MOB3B: variants seen among roughly 807,000 people sequenced by gnomAD.
The protein encoded by MOB3B is MOB kinase activator 3B.
MOB3B carries 7 observed loss-of-function variants against 18.7 expected under a neutral mutation model. That is an observed-to-expected ratio of 0.37 (90% confidence interval 0.21 to 0.70). MOB3B has a LOEUF of 0.70. Ranked by LOEUF, MOB3B falls within the 30% of genes least tolerant of loss-of-function variation. The pLI is 0.52. For missense variants in MOB3B, 253 were observed against 281.3 expected, an observed-to-expected ratio of 0.90 and a Z score of 0.72; for synonymous variants, 111 against 99.9, an observed-to-expected ratio of 1.11 and a Z score of -0.66.
chr9:27,517,168 A>G (rs1331598985), intron 1 of MOB3B, among the ~76,000 whole-genome samples: 2 of 151,396 alleles, frequency 1.3e-5, no homozygotes, highest in African/African-American at 4.9e-5. Context: ...ACTCTCATCA[A>G]CTCTTGCCTT....
At chr9:27,375,881 C>T (rs536502885) in intron 2 of MOB3B, among the ~76,000 whole-genome samples, 239 of 152,296 alleles carry the variant, frequency 1.6e-3, no homozygotes, top group African/African-American at 5.5e-3. Flanking sequence ...CTTTGTATTT[C>T]AGGCAGACAT....
intron 2 of MOB3B, among the ~76,000 whole-genome samples, chr9:27,367,782 T>A (rs1486754946): frequency 6.6e-6 from 1 of 152,202 alleles, no homozygotes; most frequent in Non-Finnish European, 1.5e-5. Context: ...GGATAAACTC[T>A]TCTTGGAAAG....
At chr9:27,527,647 GTGTAA>G (rs543997640) in intron 1 of MOB3B, among the ~76,000 whole-genome samples, 6 of 152,232 alleles carry the variant, frequency 3.9e-5, no homozygotes, top group Non-Finnish European at 8.8e-5. Context: ...GGAATCAAAA[GTGTAA>G]TTGAGCTTCC....
chr9:27,399,676 G>C (rs975852203), intron 2 of MOB3B, among the ~76,000 whole-genome samples: 1 of 152,146 alleles, frequency 6.6e-6, no homozygotes, highest in African/African-American at 2.4e-5. Flanking sequence ...GAAGGACAGA[G>C]TGATATAAAC....
intron 1 of MOB3B, among the ~76,000 whole-genome samples, chr9:27,506,937 C>T (rs1820070940): frequency 6.6e-6 from 1 of 151,050 alleles, no homozygotes; most frequent in African/African-American, 2.4e-5. Context: ...GCCTTGGCCT[C>T]GCAAAGTGCT....
chr9:27,471,209 A>G (rs1325364412), intron 1 of MOB3B, among the ~76,000 whole-genome samples: 2 of 152,166 alleles, frequency 1.3e-5, no homozygotes, highest in Non-Finnish European at 2.9e-5. Flanking sequence ...GGAGTCTGAC[A>G]TGCCTGGCCT....
intron 1 of MOB3B, among the ~76,000 whole-genome samples, chr9:27,486,313 A>T (rs949687247): frequency 6.6e-6 from 1 of 152,252 alleles, no homozygotes; most frequent in African/African-American, 2.4e-5. Flanking sequence ...CTGTAAGCCA[A>T]TACCTATCTA....
At chr9:27,461,148 T>A (rs1819281217) in intron 1 of MOB3B, among the ~76,000 whole-genome samples, 1 of 152,238 alleles carries the variant, frequency 6.6e-6, no homozygotes, top group Non-Finnish European at 1.5e-5. Context: ...TATATTGTTC[T>A]CTTTATAGCT....
At chr9:27,393,035 C>A (rs1821749030) in intron 2 of MOB3B, among the ~76,000 whole-genome samples, 1 of 152,180 alleles carries the variant, frequency 6.6e-6, no homozygotes, top group Non-Finnish European at 1.5e-5. Flanking sequence ...TTGTCCCTAG[C>A]ATTTTATTTT....
chr9:27,444,238 G>GGGAGGGAAGGAA lies in MOB3B; in HGVS notation c.418+10894_418+10895insTTCCTTCCCTCC, dbSNP rs1269907922. Among the ~76,000 whole-genome samples the GGGAGGGAAGGAA allele has an allele frequency of 1.9e-3, 200 of 107,924 alleles. 5 individuals are homozygous for GGGAGGGAAGGAA. Among genetic ancestry groups the GGGAGGGAAGGAA allele is most frequent in the African/African-American group, 7.2e-3 (189 of 26,108 alleles). The allele number at this position is 107,924 out of a possible 152,430, so 70.8% of individuals were successfully genotyped here. ...GAAAGAAAAAGAAAGGAGGGAGGGA[G>GGGAGGGAAGGAA]GGAAGGAAGGAAGGAAGGAAGGAAG... On this transcript the variant is annotated intron_variant, in intron 2 of 3. Coordinates refer to ENST00000262244, the MANE Select transcript of MOB3B (RefSeq NM_024761.5).
At chr9:27,518,552 G>T (rs1820275057) in intron 1 of MOB3B, among the ~76,000 whole-genome samples, 1 of 152,182 alleles carries the variant, frequency 6.6e-6, no homozygotes, top group African/African-American at 2.4e-5. Context: ...TATTTACTGA[G>T]ATACTTATTC....
In MOB3B at chr9:27,357,167, A is replaced by G. The variant is rs1219567747; in HGVS notation, c.621+1867T>C. ...ATATGTGTTTTTTTTTTTGCCATAT[A>G]TTCTCACAGCAGAATAATAAATTTC... is the stretch of plus-strand genomic sequence containing the variant. On this transcript the variant is annotated intron_variant, in intron 3 of 3. Coordinates refer to ENST00000262244, the MANE Select transcript of MOB3B (RefSeq NM_024761.5). Among the ~76,000 whole-genome samples, 2 of 80,322 alleles carry G rather than the reference A, an allele frequency of 2.5e-5. 1 individual carries two copies. The allele number at this position is 80,322 out of a possible 152,430, so 52.7% of individuals were successfully genotyped here.
At chr9:27,474,475 C>T (rs1252955548) in intron 1 of MOB3B, among the ~76,000 whole-genome samples, 1 of 152,166 alleles carries the variant, frequency 6.6e-6, no homozygotes, top group African/African-American at 2.4e-5. Flanking sequence ...TAAACCTTAC[C>T]CATGTCAGCA....
At chr9:27,373,360 T>C (rs896507935) in intron 2 of MOB3B, among the ~76,000 whole-genome samples, 2 of 152,270 alleles carry the variant, frequency 1.3e-5, no homozygotes, top group African/African-American at 4.8e-5. Context: ...CCTTTGTTTG[T>C]TCATTAACTA....
At chr9:27,498,804 G>A (rs1321406377) in intron 1 of MOB3B, among the ~76,000 whole-genome samples, 1 of 152,118 alleles carries the variant, frequency 6.6e-6, no homozygotes, top group Non-Finnish European at 1.5e-5. Context: ...TGGATCTTAT[G>A]ATTCTTTAAG....
chr9:27,464,646 C>T (rs10967947), intron 1 of MOB3B, among the ~76,000 whole-genome samples: 72,593 of 152,004 alleles, frequency 0.48, 18,322 homozygotes, highest in Non-Finnish European at 0.58. Context: ...TTTATATTAG[C>T]TCATTTTCAT....
At chr9:27,527,281 C>G (rs1242482388) in intron 1 of MOB3B, among the ~76,000 whole-genome samples, 3 of 152,156 alleles carry the variant, frequency 2.0e-5, no homozygotes, top group Non-Finnish European at 4.4e-5. Flanking sequence ...GTTGCTGCTG[C>G]TAAATTTCAA....
intron 3 of MOB3B, among the ~76,000 whole-genome samples, chr9:27,350,900 CTTT>C (rs36005041): frequency 2.3e-5 from 3 of 131,874 alleles, no homozygotes; most frequent in Non-Finnish European, 3.3e-5. Context: ...CCATGGTGGG[CTTT>C]TTTTTTTTTT....
chr9:27,352,128 C>T (rs1418353617), intron 3 of MOB3B, among the ~76,000 whole-genome samples: 1 of 152,130 alleles, frequency 6.6e-6, no homozygotes, highest in Non-Finnish European at 1.5e-5. Context: ...CATCTGTAAT[C>T]CCAGCACTTT....
Sources: gnomAD v4.1 joint callset for allele counts (sites outside exome capture counted in the v4.1 genomes callset) on GRCh38, gnomAD v4.1.1 for gene constraint, MANE v1.5 for transcripts, NCBI Gene and HGNC (gene_info 2026-07-23, HGNC 2026-07-21) for gene names.